CLSTN2: variants seen among roughly 807,000 people sequenced by gnomAD.
CLSTN2 encodes calsyntenin 2.
CLSTN2 carries 48 observed loss-of-function variants against 101.2 expected under a neutral mutation model. The ratio of observed to expected loss-of-function variants is 0.47; its 90% confidence interval spans 0.38 to 0.60. The LOEUF (loss-of-function observed/expected upper bound fraction) is 0.60, where lower values mean the gene tolerates loss of function less well. Among genes scored for constraint, CLSTN2 ranks in the 20% least tolerant of loss-of-function variants. CLSTN2 has a pLI of 0.00. For missense variants in CLSTN2, 1,160 were observed against 1,238.2 expected, an observed-to-expected ratio of 0.94 and a Z score of 0.95; for synonymous variants, 481 against 463.6, an observed-to-expected ratio of 1.04 and a Z score of -0.48.
intron 2 of CLSTN2, among the ~76,000 whole-genome samples, chr3:140,240,221 CATATAT>C (rs10576056): frequency 0.015 from 318 of 21,410 alleles, 9 homozygotes; most frequent in African/African-American, 0.037. Flanking sequence ...CACACACACA[CATATAT>C]ATATATGCAT....
rs80313925 is a variant in CLSTN2, at chr3:140,087,187, T to C, written c.110-88764T>C. On this transcript the variant is annotated intron_variant, in intron 1 of 16. Transcript: ENST00000458420. ...AACCGGTGTCTTGAGACCAACCAGA[T>C]TGTAGTTGTGTTGTGTCCATTTAAC... 4.2e-3 allele frequency among the ~76,000 whole-genome samples: 641 copies of C among 152,074 alleles called. 7 individuals carry two copies. The highest frequency in any genetic ancestry group is 0.015 in the African/African-American group (610 of 41,464).
At position 140,564,150 on chromosome 3, in the gene CLSTN2, T is replaced by A; in HGVS notation, c.2667+5T>A. The A allele has an allele frequency of 6.2e-7, 1 of 1,613,328 alleles. No homozygotes were observed. Among genetic ancestry groups the A allele is most frequent in the South Asian group, 1.1e-5 (1 of 91,028 alleles). On this transcript the variant is annotated splice_donor_5th_base_variant and intron_variant, in intron 16 of 16. Coordinates refer to ENST00000458420, the MANE Select transcript of CLSTN2 (RefSeq NM_022131.3). ...ATCACAGTCAACCCCATGGAGGTGA[T>A]CCTCATGCACGGCTGGGAGTTCTGG...
chr3:139,950,446 G>C (rs1189439819), intron 1 of CLSTN2, among the ~76,000 whole-genome samples: 1 of 152,204 alleles, frequency 6.6e-6, no homozygotes, highest in Non-Finnish European at 1.5e-5. Flanking sequence ...CATGGGCTGA[G>C]GTTGAGCCAA....
intron 2 of CLSTN2, among the ~76,000 whole-genome samples, chr3:140,335,141 A>T (rs1009238637): frequency 6.6e-6 from 1 of 152,194 alleles, no homozygotes; most frequent in Admixed American, 6.5e-5. Flanking sequence ...TACCTGATAA[A>T]GGCTGCTGCA....
intron 2 of CLSTN2, among the ~76,000 whole-genome samples, chr3:140,226,923 C>T (rs549512322): frequency 3.9e-5 from 6 of 152,200 alleles, no homozygotes; most frequent in African/African-American, 7.2e-5. Context: ...AGGAAAGACC[C>T]GCCCCCATAA....
rs560241816 is a variant in CLSTN2, at chr3:140,158,260, A to G, written c.110-17691A>G. Among the ~76,000 whole-genome samples, 35 of 152,338 alleles carry G rather than the reference A, an allele frequency of 2.3e-4. No individual in the cohort carries two copies. The South Asian group carries it at 7.3e-3, about 32-fold the overall frequency. On this transcript the variant is annotated intron_variant, in intron 1 of 16. Transcript: ENST00000458420. ...GCACCCTAATAGGAAAAGAAGTCAA[A>G]GTATCTCTCTTCACTGATGATATGA... is the stretch of plus-strand genomic sequence containing the variant.
intron 1 of CLSTN2, among the ~76,000 whole-genome samples, chr3:140,148,720 G>A (rs2009818133): frequency 6.6e-6 from 1 of 152,230 alleles, no homozygotes; most frequent in Non-Finnish European, 1.5e-5. Flanking sequence ...AAAGGAAGAA[G>A]TGCAGGTCAT....
At chr3:140,491,126 C>G (rs960034176) in intron 8 of CLSTN2, among the ~76,000 whole-genome samples, 1 of 152,186 alleles carries the variant, frequency 6.6e-6, no homozygotes, top group Non-Finnish European at 1.5e-5. Context: ...TATATGACAA[C>G]CAAATCAAGT....
intron 2 of CLSTN2, among the ~76,000 whole-genome samples, chr3:140,370,236 C>A (rs904104657): frequency 6.6e-6 from 1 of 152,230 alleles, no homozygotes; most frequent in Non-Finnish European, 1.5e-5. Flanking sequence ...TATGTCAAAG[C>A]ACCCCCCATG....
chr3:140,117,731 T>A (rs942057060), intron 1 of CLSTN2, among the ~76,000 whole-genome samples: 4 of 152,150 alleles, frequency 2.6e-5, no homozygotes, highest in African/African-American at 4.8e-5. Context: ...AGCAGAGCAA[T>A]GGAGGGACAG....
Position 140,193,299 on chromosome 3 carries a change from C to G in CLSTN2, c.232+17226C>G, listed in dbSNP as rs183964179. On this transcript the variant is annotated intron_variant, in intron 2 of 16. Transcript: ENST00000458420. The stretch of plus-strand genomic sequence containing the variant: ...TTTTTTTTTTGGTTTTGAACACTTC[C>G]TTTAACCACCTTTCTTTCAGAATAG... Among the ~76,000 whole-genome samples the G allele has an allele frequency of 6.4e-4, 80 of 125,782 alleles. No individual in the cohort carries two copies. The East Asian group carries it at 0.016, about 24-fold the overall frequency. 82.5% of individuals were successfully genotyped at this position (125,782 alleles called of 152,430 possible).
chr3:140,175,999 C>T lies in CLSTN2; in HGVS notation c.158C>T (p.Thr53Ile), dbSNP rs2010317752. The stretch of plus-strand genomic sequence containing the variant: ...GAGACTTCATATCATGGAGTCATAA[C>T]TGAGAACAATGACACAGTCATTTTG... ...WIETSYHGVI[T>I]ENNDTVILDP... Residue 53 changes from threonine (T) to isoleucine (I), a missense_variant, in exon 2 of 17, where the codon ACT becomes ATT. By Grantham distance (89) the Thr-to-Ile change is moderately conservative. Transcript: ENST00000458420. The T allele has an allele frequency of 6.2e-7, 1 of 1,613,496 alleles. No homozygotes were observed. The highest frequency in any genetic ancestry group is 8.5e-7 in the Non-Finnish European group (1 of 1,179,698).
chr3:139,950,933 A>G (rs1305082709), intron 1 of CLSTN2, among the ~76,000 whole-genome samples: 1 of 152,196 alleles, frequency 6.6e-6, no homozygotes, highest in Non-Finnish European at 1.5e-5. Flanking sequence ...GGTGATTCAG[A>G]TGTCATGGAC....
rs1226664922 is a variant in CLSTN2 at position 140,558,637 on chromosome 3, C to G, written c.1824-3C>G. Reference sequence around the variant, plus strand: ...AGTGCCATGACCGAGAATGTTTTCCCAGGTGCTTTGGGGAAGACGTATGCA... The same window carrying G: ...AGTGCCATGACCGAGAATGTTTTCCGAGGTGCTTTGGGGAAGACGTATGCA... On this transcript the variant is annotated splice_region_variant and splice_polypyrimidine_tract_variant and intron_variant, in intron 11 of 16. Transcript: ENST00000458420. 1 of 1,610,224 alleles carries G rather than the reference C, an allele frequency of 6.2e-7. No individual in the cohort carries two copies. The highest frequency in any genetic ancestry group is 8.5e-7 in the Non-Finnish European group (1 of 1,177,140).
chr3:140,059,752 T>C (rs2008165408), intron 1 of CLSTN2, among the ~76,000 whole-genome samples: 1 of 152,214 alleles, frequency 6.6e-6, no homozygotes, highest in Non-Finnish European at 1.5e-5. Flanking sequence ...CTCTTCTCCA[T>C]TCAGGCTGAA....
intron 10 of CLSTN2, among the ~76,000 whole-genome samples, chr3:140,549,982 T>G (rs1349405939): frequency 6.6e-6 from 1 of 150,388 alleles, no homozygotes; most frequent in South Asian, 2.1e-4. Flanking sequence ...CAAGATACTG[T>G]GGAATCACCA....
intron 8 of CLSTN2, among the ~76,000 whole-genome samples, chr3:140,512,740 C>T (rs1934839571): frequency 6.6e-6 from 1 of 152,170 alleles, no homozygotes; most frequent in Admixed American, 6.5e-5. Flanking sequence ...TCTTCCTATT[C>T]ATGATCATAG....
chr3:140,199,152 T>C (rs1168820491), intron 2 of CLSTN2, among the ~76,000 whole-genome samples: 1 of 152,132 alleles, frequency 6.6e-6, no homozygotes, highest in Non-Finnish European at 1.5e-5. Flanking sequence ...CATGTGTGAG[T>C]TTCCTTATCT....
chr3:140,235,758 C>CTGAGTA (rs1442003980), intron 2 of CLSTN2, among the ~76,000 whole-genome samples: 1 of 152,136 alleles, frequency 6.6e-6, no homozygotes, highest in Non-Finnish European at 1.5e-5. Flanking sequence ...CATTCTCCTA[C>CTGAGTA]TGAGTAGATG....
Sources: gnomAD v4.1 joint callset for allele counts (sites outside exome capture counted in the v4.1 genomes callset) on GRCh38, gnomAD v4.1.1 for gene constraint, MANE v1.5 for transcripts, NCBI Gene and HGNC (gene_info 2026-07-23, HGNC 2026-07-21) for gene names.